DERL1: variants seen among roughly 807,000 people sequenced by gnomAD.
The protein encoded by DERL1 is derlin 1, also known as derlin-1.
A neutral mutation model predicts 41.6 loss-of-function variants in DERL1; 24 were observed. The ratio of observed to expected loss-of-function variants is 0.58; its 90% CI spans 0.42 to 0.81. The LOEUF is 0.81. Among genes scored for constraint, DERL1 ranks in the 30% least tolerant of loss-of-function variants. DERL1 has a pLI of 0.00. For synonymous variants in DERL1, 124 were observed against 112.5 expected (o/e 1.10, Z -0.65); for missense variants, 260 against 314.3 (o/e 0.83, Z 1.31).
intron 7 of DERL1, chr8:123,016,174 C>T (rs1404861190): frequency 1.3e-5 from 2 of 152,198 alleles, no homozygotes; most frequent in Admixed American, 1.3e-4. Flanking sequence ...GGTGGGAGAG[C>T]TGGGGCCCCA....
At chr8:123,023,932 A>G (rs1388719055) in intron 3 of DERL1, among the ~76,000 whole-genome samples, 193 bp from the exon 4 acceptor site, 3 of 152,256 alleles carry the variant, frequency 2.0e-5, no homozygotes, top group Admixed American at 2.0e-4. Flanking sequence ...AGCCTGGGCA[A>G]CATAGCAAGA....
In DERL1 at chr8:123,041,962, G is replaced by A. The variant is rs369309591; in HGVS notation, c.153+8C>T. On this transcript the variant is annotated splice_region_variant and intron_variant, in intron 1 of 7. Transcript: ENST00000259512. Reference sequence around the variant, plus strand: ...GTAGTCTCCACGCCCCCCGTCTCCGGTAAGTACCTGAAAGCGATAAAGGAA... The same window carrying A: ...GTAGTCTCCACGCCCCCCGTCTCCGATAAGTACCTGAAAGCGATAAAGGAA... 166 of 1,603,076 alleles carry A rather than the reference G, an allele frequency of 1.0e-4. No individual in the cohort carries two copies. Among genetic ancestry groups the A allele is most frequent in the Middle Eastern group, 3.3e-4 (2 of 6,038 alleles).
At chr8:123,041,904 T>C in intron 1 of DERL1, 66 bp downstream of exon 1, 1 of 1,490,614 alleles carries the variant, frequency 6.7e-7, no homozygotes, top group South Asian at 1.3e-5. Context: ...CATGCCAGCC[T>C]ACGCTTAGCC....
At chr8:123,021,408 A>G in intron 6 of DERL1, 39 bp downstream of exon 6, 1 of 1,570,260 alleles carries the variant, frequency 6.4e-7, no homozygotes, top group African/African-American at 1.4e-5. Context: ...AAATTTTCCA[A>G]GGATTAGTTT....
chr8:123,039,500 T>C (rs752043104), intron 1 of DERL1, among the ~76,000 whole-genome samples: 3 of 152,212 alleles, frequency 2.0e-5, no homozygotes, highest in Non-Finnish European at 2.9e-5. Flanking sequence ...CAACCCAGTC[T>C]TCTTCCTGTT....
intron 7 of DERL1, chr8:123,017,613 G>C (rs181391020): frequency 3.3e-5 from 5 of 152,254 alleles, no homozygotes; most frequent in Admixed American, 2.6e-4. Flanking sequence ...GCAAAATTTA[G>C]CAGAAGGACT....
Position 123,030,667 on chromosome 8 carries a change from G to C in DERL1, c.203C>G (p.Thr68Ser). ...TAAATTGACCAAATAAAGAAATCCA[G>C]TTCCTGGACCCACAGGGAAATAAAA... The part of the protein sequence containing the change: ...ATFYFPVGPG[T>S]GFLYLVNLYF... The change falls in exon 2 of 8, where the codon ACT (threonine) becomes AGT (serine). Residue 68 changes from threonine (T) to serine (S), a missense_variant. Thr to Ser is a moderately conservative substitution (Grantham distance 58). Coordinates refer to ENST00000259512, the MANE Select transcript of DERL1 (RefSeq NM_024295.6). 1.2e-6 allele frequency: 2 copies of C among 1,612,564 alleles called. No homozygotes were observed. The highest frequency in any genetic ancestry group is 4.5e-5 in the East Asian group (2 of 44,810).
intron 2 of DERL1, among the ~76,000 whole-genome samples, chr8:123,026,657 G>A (rs1480388062): frequency 2.0e-5 from 3 of 152,044 alleles, no homozygotes; most frequent in Non-Finnish European, 2.9e-5. Context: ...TTTGGGACAC[G>A]TCACCACCAC....
At chr8:123,033,707 C>A (rs527429680) in intron 1 of DERL1, among the ~76,000 whole-genome samples, 3 of 152,214 alleles carry the variant, frequency 2.0e-5, no homozygotes, top group Non-Finnish European at 4.4e-5. Flanking sequence ...CACAACACTG[C>A]ACTCCAGCCT....
chr8:123,020,074 C>T lies in DERL1; in HGVS notation c.507-769G>A, dbSNP rs115983874. On this transcript the variant is annotated intron_variant, in intron 6 of 7. Coordinates refer to ENST00000259512, the MANE Select transcript of DERL1 (RefSeq NM_024295.6). ...AGTCTGCTCCATCCATTCACTTCTC[C>T]CCAGCAATATGCAGAAGAAGTTAGG... Among the ~76,000 whole-genome samples the T allele has an allele frequency of 4.1e-3, 629 of 152,318 alleles. 4 individuals carry two copies. The highest frequency in any genetic ancestry group is 0.014 in the African/African-American group (596 of 41,584).
chr8:123,031,980 T>C (rs1235768606), intron 1 of DERL1, among the ~76,000 whole-genome samples: 1 of 152,210 alleles, frequency 6.6e-6, no homozygotes, highest in African/African-American at 2.4e-5. Flanking sequence ...AAAAAGTAGA[T>C]GAATCCTGTC....
At chr8:123,015,806 G>T (rs769043141) in intron 7 of DERL1, 3 of 459,388 alleles carry the variant, frequency 6.5e-6, no homozygotes, top group Admixed American at 4.3e-5. Context: ...AATGTATTCA[G>T]ATTTCAGCTA....
Position 123,015,264 on chromosome 8 carries a change from G to A in DERL1, c.*183C>T, listed in dbSNP as rs1454846621. The A allele has an allele frequency of 1.2e-6, 1 of 832,408 alleles. No individual in the cohort carries two copies. Among genetic ancestry groups the A allele is most frequent in the Non-Finnish European group, 1.8e-6 (1 of 567,924 alleles). 51.6% of individuals were successfully genotyped at this position (832,408 alleles called of 1,614,324 possible). A position where few individuals can be genotyped will look rare whatever the true frequency, so the allele number is the denominator to read the frequency against. The stretch of plus-strand genomic sequence containing the variant: ...TTCACAGCAGTAAGGACTTGAATGA[G>A]AATCGTGAAACTTGTGGAACACTTA... On this transcript the variant is annotated 3_prime_UTR_variant, in exon 8 of 8. Transcript: ENST00000259512.
At chr8:123,030,938 C>G (rs1812806649) in intron 1 of DERL1, among the ~76,000 whole-genome samples, 1 of 152,182 alleles carries the variant, frequency 6.6e-6, no homozygotes, top group Non-Finnish European at 1.5e-5. Context: ...AAATAAGCAA[C>G]AAATATTTCT....
At chr8:123,030,852 AAAC>A (rs1812805406) in intron 1 of DERL1, 136 bp from the exon 2 acceptor site, 2 of 646,536 alleles carry the variant, frequency 3.1e-6, no homozygotes, top group Non-Finnish European at 5.5e-6. Context: ...CAACTCAAGA[AAAC>A]AACTGAAGAA....
At chr8:123,020,673 G>C in intron 6 of DERL1, among the ~76,000 whole-genome samples, 1 of 151,230 alleles carries the variant, frequency 6.6e-6, no homozygotes, top group Non-Finnish European at 1.5e-5. Context: ...TTATCATCCA[G>C]GCATGGTGGC....
chr8:123,024,755 A>C (rs898700995), intron 3 of DERL1, among the ~76,000 whole-genome samples: 3 of 152,192 alleles, frequency 2.0e-5, no homozygotes, highest in African/African-American at 7.2e-5. Context: ...CAGTCATAAA[A>C]CTACTCAACC....
chr8:123,019,123 T>C (rs369006286), intron 7 of DERL1, 72 bp downstream of exon 7: 1 of 1,056,680 alleles, frequency 9.5e-7, no homozygotes. Flanking sequence ...ATACTCCTCA[T>C]GGAGCTCTCA....
At chr8:123,037,994 A>G (rs531506458) in intron 1 of DERL1, among the ~76,000 whole-genome samples, 69 of 152,378 alleles carry the variant, frequency 4.5e-4, no homozygotes, top group African/African-American at 1.6e-3. Flanking sequence ...ATTGATGAAC[A>G]TAAATCTGAG....
Sources: gnomAD v4.1 joint callset for allele counts (sites outside exome capture counted in the v4.1 genomes callset) on GRCh38, gnomAD v4.1.1 for gene constraint, MANE v1.5 for transcripts, NCBI Gene and HGNC (gene_info 2026-07-23, HGNC 2026-07-21) for gene names.